SCFD2: variants seen among roughly 807,000 people sequenced by gnomAD.
SCFD2 encodes sec1 family domain-containing protein 2.
SCFD2 carries 54 observed loss-of-function variants against 58.9 expected under a neutral mutation model. The observed-to-expected ratio is 0.92, with a 90% confidence interval of 0.74 to 1.15. SCFD2 has a LOEUF of 1.15. SCFD2 is among the 50% of genes most tolerant of loss of function. The pLI, the probability that SCFD2 is intolerant of heterozygous loss-of-function variation, is 0.00. For missense variants in SCFD2, 805 were observed against 836.6 expected (o/e 0.96, Z 0.47); for synonymous variants, 321 against 335.9 (o/e 0.96, Z 0.49).
chr4:53,098,943 T>A (rs1366901970), intron 5 of SCFD2, among the ~76,000 whole-genome samples: 1 of 152,190 alleles, frequency 6.6e-6, no homozygotes, highest in African/African-American at 2.4e-5. Context: ...CATCTAGCTT[T>A]GTATGTACCT....
At chr4:53,127,036 G>A (rs1725649691) in intron 5 of SCFD2, among the ~76,000 whole-genome samples, 1 of 152,122 alleles carries the variant, frequency 6.6e-6, no homozygotes, top group African/African-American at 2.4e-5. Context: ...AAAACCTGAA[G>A]AAGTAGAGAA....
intron 5 of SCFD2, among the ~76,000 whole-genome samples, chr4:53,076,450 CA>C (rs1723977590): frequency 6.6e-6 from 1 of 152,104 alleles, no homozygotes; most frequent in African/African-American, 2.4e-5. Context: ...CTGACAAGAG[CA>C]CACCATTATT....
At chr4:53,278,457 A>C (rs565044150) in intron 3 of SCFD2, among the ~76,000 whole-genome samples, 180 of 151,686 alleles carry the variant, frequency 1.2e-3, no homozygotes, top group Middle Eastern at 6.8e-3. Context: ...CAGGAGAATC[A>C]CTTGAACCTG....
At chr4:53,030,483 C>T (rs530709762) in intron 5 of SCFD2, among the ~76,000 whole-genome samples, 15 of 151,728 alleles carry the variant, frequency 9.9e-5, no homozygotes, top group South Asian at 2.1e-4. Context: ...AGTGCAGTGG[C>T]GCGATCTCAG....
At chr4:52,897,308 C>G (rs1719048452) in intron 7 of SCFD2, among the ~76,000 whole-genome samples, 1 of 152,148 alleles carries the variant, frequency 6.6e-6, no homozygotes, top group Non-Finnish European at 1.5e-5. Context: ...ATAGATAGCT[C>G]TTATTATTTT....
At chr4:53,247,424 A>G (rs1434841083) in intron 4 of SCFD2, among the ~76,000 whole-genome samples, 1 of 152,252 alleles carries the variant, frequency 6.6e-6, no homozygotes, top group Admixed American at 6.5e-5. Flanking sequence ...GTTCTATCAT[A>G]AAAACACATG....
chr4:53,238,193 C>T (rs1361087429), intron 4 of SCFD2, among the ~76,000 whole-genome samples: 1 of 143,342 alleles, frequency 7.0e-6, no homozygotes, highest in African/African-American at 2.6e-5. Context: ...ACCCCCCCAC[C>T]TCCCTCCCGG....
intron 5 of SCFD2, among the ~76,000 whole-genome samples, chr4:52,997,506 C>T (rs189758901): frequency 1.3e-5 from 2 of 152,280 alleles, no homozygotes; most frequent in African/African-American, 2.4e-5. Context: ...GGAGTAGAAC[C>T]AGGGGATGGG....
chr4:53,182,260 A>G (rs373372627), intron 4 of SCFD2, among the ~76,000 whole-genome samples: 2 of 152,222 alleles, frequency 1.3e-5, no homozygotes, highest in Non-Finnish European at 2.9e-5. Flanking sequence ...CTATACTACA[A>G]GGCTACAGTA....
chr4:53,148,137 C>G (rs1390781742), intron 4 of SCFD2, among the ~76,000 whole-genome samples: 2 of 152,138 alleles, frequency 1.3e-5, no homozygotes, highest in African/African-American at 2.4e-5. Flanking sequence ...TACAGGGGCC[C>G]TCTGGGTCTC....
At chr4:52,943,874 T>C (rs28472535) in intron 5 of SCFD2, among the ~76,000 whole-genome samples, 7,891 of 152,248 alleles carry the variant, frequency 0.052, 218 homozygotes, top group African/African-American at 0.068. Flanking sequence ...AATAGAACCA[T>C]GTGGGAGGGC....
At chr4:53,017,883 A>G (rs577509885) in intron 5 of SCFD2, among the ~76,000 whole-genome samples, 8 of 137,764 alleles carry the variant, frequency 5.8e-5, no homozygotes, top group Admixed American at 1.5e-4. Context: ...GTCATTCCCC[A>G]AAGTATCCAA....
chr4:52,930,400 A>G (rs563118981), intron 5 of SCFD2, among the ~76,000 whole-genome samples: 1 of 152,212 alleles, frequency 6.6e-6, no homozygotes, highest in Non-Finnish European at 1.5e-5. Context: ...TAAAACTAGG[A>G]GAAACACTAG....
chr4:53,301,427 A>AT, intron 3 of SCFD2, among the ~76,000 whole-genome samples: 1 of 152,124 alleles, frequency 6.6e-6, no homozygotes, highest in South Asian at 2.1e-4. Flanking sequence ...GAATAGACCA[A>AT]TAACAGGCTC....
At chr4:52,884,445 T>G (rs1319952718) in intron 8 of SCFD2, among the ~76,000 whole-genome samples, 5 of 152,148 alleles carry the variant, frequency 3.3e-5, no homozygotes, top group African/African-American at 1.2e-4. Flanking sequence ...CCAGGCTCTC[T>G]GACCTCTGGC....
chr4:53,145,157 G>C (rs1251170028), intron 5 of SCFD2, among the ~76,000 whole-genome samples, 176 bp downstream of exon 5: 1 of 152,102 alleles, frequency 6.6e-6, no homozygotes, highest in Non-Finnish European at 1.5e-5. Flanking sequence ...GGCTGCCCTT[G>C]GTGCCAAAAA....
chr4:53,199,417 G>T (rs553234572), intron 4 of SCFD2, among the ~76,000 whole-genome samples: 6 of 152,152 alleles, frequency 3.9e-5, no homozygotes, highest in Non-Finnish European at 5.9e-5. Context: ...AATACATTTG[G>T]TTTTTGTTTC....
Position 52,907,316 on chromosome 4 carries a change from G to T in SCFD2, c.1842+141C>A, listed in dbSNP as rs1468218102. 2.8e-5 allele frequency: 22 copies of T among 778,664 alleles called. No individual in the cohort carries two copies. In the Admixed American group the frequency reaches 4.6e-4, roughly 16 times the overall value. 48.2% of individuals were successfully genotyped at this position (778,664 alleles called of 1,614,324 possible). A position where few individuals can be genotyped will look rare whatever the true frequency, so the allele number is the denominator to read the frequency against. On this transcript the variant is annotated intron_variant, in intron 7 of 8. Coordinates refer to ENST00000401642, the MANE Select transcript of SCFD2 (RefSeq NM_152540.4). The stretch of plus-strand genomic sequence containing the variant: ...AGGCTGCTTATAATCAAAAGATAAA[G>T]ATTGCCCTTGATTTTAGAAGAGCCA...
intron 5 of SCFD2, among the ~76,000 whole-genome samples, chr4:53,082,828 C>T (rs1724187218): frequency 6.6e-6 from 1 of 152,140 alleles, no homozygotes; most frequent in African/African-American, 2.4e-5. Flanking sequence ...GAACTTACAC[C>T]ATTGACTTTC....
Sources: gnomAD v4.1 joint callset for allele counts (sites outside exome capture counted in the v4.1 genomes callset) on GRCh38, gnomAD v4.1.1 for gene constraint, MANE v1.5 for transcripts, NCBI Gene and HGNC (gene_info 2026-07-23, HGNC 2026-07-21) for gene names.